The following ESR2 variants were observed in gnomAD, a reference collection of about 807,000 sequenced individuals.
ESR2 encodes estrogen receptor 2.
ESR2 carries 36 observed loss-of-function variants against 49.6 expected under a neutral mutation model. The observed-to-expected ratio is 0.73, with a 90% confidence interval of 0.56 to 0.96. The LOEUF (loss-of-function observed/expected upper bound fraction) is 0.96, where lower values mean the gene tolerates loss of function less well. ESR2 is among the 40% of genes least tolerant of loss of function. ESR2 has a pLI of 0.00. For synonymous variants in ESR2, 320 were observed against 266.1 expected (o/e 1.20, Z -1.97); for missense variants, 714 against 693.0 (o/e 1.03, Z -0.34).
chr14:64,248,505 CAAAA>C (rs56108535), intron 7 of ESR2, among the ~76,000 whole-genome samples: 1 of 87,258 alleles, frequency 1.1e-5, no homozygotes, highest in Non-Finnish European at 2.2e-5. Context: ...GATCCTGTCT[CAAAA>C]AAAAAAAAAA....
At chr14:64,241,201 A>C (rs1050749468) in intron 7 of ESR2, among the ~76,000 whole-genome samples, 8 of 150,132 alleles carry the variant, frequency 5.3e-5, no homozygotes, top group African/African-American at 1.9e-4. Flanking sequence ...GATGTTCAGT[A>C]GGTTAGGTGT....
At chr14:64,257,699 A>G (rs1449005887) in intron 5 of ESR2, among the ~76,000 whole-genome samples, 1 of 151,664 alleles carries the variant, frequency 6.6e-6, no homozygotes, top group African/African-American at 2.4e-5. Context: ...TGCCAGTCAG[A>G]AGACCTGCCT....
intron 5 of ESR2, 29 bp downstream of exon 5, chr14:64,260,420 A>C (rs374551001): frequency 1.5e-5 from 23 of 1,523,174 alleles, no homozygotes; most frequent in Non-Finnish European, 2.0e-5. Flanking sequence ...CTACAAGTAC[A>C]TGGAAAACTG....
chr14:64,240,428 C>T (rs2075696204), intron 7 of ESR2, among the ~76,000 whole-genome samples: 2 of 152,238 alleles, frequency 1.3e-5, no homozygotes, highest in South Asian at 4.1e-4. Context: ...CCAGGGCCTC[C>T]ACCCTGTGAT....
intron 3 of ESR2, among the ~76,000 whole-genome samples, chr14:64,277,924 G>C (rs1288583735): frequency 6.6e-6 from 1 of 151,844 alleles, no homozygotes. Context: ...GTTATTAGCT[G>C]TAGTCTCAGG....
chr14:64,295,034 G>C (rs2076937887), upstream of ESR2, among the ~76,000 whole-genome samples: 1 of 152,196 alleles, frequency 6.6e-6, no homozygotes, highest in Non-Finnish European at 1.5e-5. Flanking sequence ...CGCGCCCCCT[G>C]GTGGCAGCCC....
At chr14:64,285,202 G>T (rs533900829) in intron 1 of ESR2, among the ~76,000 whole-genome samples, 1 of 152,060 alleles carries the variant, frequency 6.6e-6, no homozygotes, top group Admixed American at 6.6e-5. Context: ...ACTGCTCCTC[G>T]TCCCCAGTTA....
chr14:64,269,438 A>G (rs1480615452), intron 3 of ESR2, among the ~76,000 whole-genome samples: 1 of 152,242 alleles, frequency 6.6e-6, no homozygotes, highest in Non-Finnish European at 1.5e-5. Flanking sequence ...ACCGTTCTCA[A>G]TTCTTCATTC....
chr14:64,264,765 C>T (rs921336652), intron 4 of ESR2, among the ~76,000 whole-genome samples: 5 of 150,994 alleles, frequency 3.3e-5, no homozygotes, highest in African/African-American at 1.2e-4. Context: ...CCCAGCTACT[C>T]GGGAGGCTGA....
chr14:64,290,688 C>A (rs1246607074), intron 1 of ESR2, among the ~76,000 whole-genome samples: 3 of 152,162 alleles, frequency 2.0e-5, no homozygotes, highest in Admixed American at 6.5e-5. Flanking sequence ...CAGGCGTGAG[C>A]CACCACACCC....
rs58597271 is a variant in ESR2, at chr14:64,318,537, CAAAAAAAAAAAAAA to C, written c.-91+19347_-91+19360del. Among the ~76,000 whole-genome samples, 196 of 32,444 alleles carry C rather than the reference CAAAAAAAAAAAAAA, an allele frequency of 6.0e-3. 1 individual carries two copies. Among genetic ancestry groups the C allele is most frequent in the Middle Eastern group, 0.05 (1 of 20 alleles). The allele number at this position is 32,444 out of a possible 152,430, so 21.3% of individuals were successfully genotyped here. The stretch of plus-strand genomic sequence containing the variant: ...GGGCGACAAGAACGAAACTCCATCT[CAAAAAAAAAAAAAA>C]AAAAAAAAAAAAAAAAATTTAAATT... On this transcript the variant is annotated intron_variant, in intron 1 of 8. Transcript: ENST00000358599.
chr14:64,259,262 C>A (rs899841816), intron 5 of ESR2, among the ~76,000 whole-genome samples: 1 of 152,208 alleles, frequency 6.6e-6, no homozygotes, highest in African/African-American at 2.4e-5. Context: ...CCCAGGCCAA[C>A]AAAAGTCCCC....
rs769193217 is a variant in ESR2, at chr14:64,322,996, CACT to C, written c.-91+14899_-91+14901del. Among the ~76,000 whole-genome samples the C allele has an allele frequency of 5.3e-5, 8 of 152,244 alleles. No homozygotes were observed. The South Asian group carries it at 6.2e-4, about 12-fold the overall frequency. On this transcript the variant is annotated intron_variant, in intron 1 of 8. Coordinates refer to the ESR2 transcript ENST00000358599. The stretch of plus-strand genomic sequence containing the variant: ...TTTAACTTAAGATACAACCATGAGG[CACT>C]ACTAAGTAGAGGAAGTTGCAGAATA...
chr14:64,266,495 C>T (rs932494817), intron 4 of ESR2, among the ~76,000 whole-genome samples: 2 of 152,316 alleles, frequency 1.3e-5, no homozygotes, highest in East Asian at 1.9e-4. Context: ...AGCTGTGCAA[C>T]GGATCCTAGT....
At chr14:64,257,130 G>C in intron 6 of ESR2, 96 bp downstream of exon 6, 1 of 1,137,594 alleles carries the variant, frequency 8.8e-7, no homozygotes, top group Non-Finnish European at 1.3e-6. Context: ...CCCTGCAAGT[G>C]TGAGATTTTA....
intron 8 of ESR2, chr14:64,234,360 CTG>C (rs2098730357): frequency 1.3e-5 from 2 of 152,942 alleles, no homozygotes; most frequent in South Asian, 4.1e-4. Context: ...ACACCAAGCA[CTG>C]AGCATCATTG....
At chr14:64,265,276 T>C (rs1477435508) in intron 4 of ESR2, among the ~76,000 whole-genome samples, 1 of 152,188 alleles carries the variant, frequency 6.6e-6, no homozygotes, top group African/African-American at 2.4e-5. Context: ...ATGATGATCG[T>C]AGTGATAAAT....
chr14:64,290,941 A>C (rs866657139), intron 1 of ESR2, among the ~76,000 whole-genome samples: 1 of 152,152 alleles, frequency 6.6e-6, no homozygotes, highest in East Asian at 1.9e-4. Context: ...GGGTTTGAAT[A>C]GGGTAGGAGG....
intron 1 of ESR2, among the ~76,000 whole-genome samples, chr14:64,334,977 A>C (rs1206934933): frequency 2.0e-5 from 3 of 152,200 alleles, no homozygotes; most frequent in Non-Finnish European, 4.4e-5. Flanking sequence ...CACTACAGGA[A>C]TACTGTTTGT....
Sources: gnomAD v4.1 joint callset for allele counts (sites outside exome capture counted in the v4.1 genomes callset) on GRCh38, gnomAD v4.1.1 for gene constraint, MANE v1.5 for transcripts, NCBI Gene and HGNC (gene_info 2026-07-23, HGNC 2026-07-21) for gene names.